C1orf159: variants seen among roughly 807,000 people sequenced by gnomAD.
The protein encoded by C1orf159 is chromosome 1 open reading frame 159.
C1orf159 carries 19 observed loss-of-function variants against 25.6 expected under a neutral mutation model. The ratio of observed to expected loss-of-function variants is 0.74; its 90% CI spans 0.52 to 1.09. The LOEUF (loss-of-function observed/expected upper bound fraction) is 1.09, where lower values mean the gene tolerates loss of function less well. C1orf159 is among the 50% of genes least tolerant of loss of function. The pLI, the probability that C1orf159 is intolerant of heterozygous loss-of-function variation, is 0.00. For synonymous variants in C1orf159, 139 were observed against 124.7 expected, an observed-to-expected ratio of 1.12 and a Z score of -0.77; for missense variants, 274 against 290.6, an observed-to-expected ratio of 0.94 and a Z score of 0.42.
chr1:1,112,905 G>T (rs1456459363), intron 1 of C1orf159, among the ~76,000 whole-genome samples: 1 of 152,174 alleles, frequency 6.6e-6, no homozygotes, highest in Non-Finnish European at 1.5e-5. Context: ...TCTAAAACTT[G>T]CCTTAGTCGG....
Position 1,090,673 on chromosome 1 carries a change from G to C in C1orf159, c.73-245C>G, listed in dbSNP as rs370425847. 279 of 694,476 alleles carry C rather than the reference G, an allele frequency of 4.0e-4. 3 individuals are homozygous for C. The African/African-American group carries it at 4.6e-3, about 11-fold the overall frequency. 43.0% of individuals were successfully genotyped at this position (694,476 alleles called of 1,614,324 possible). On this transcript the variant is annotated intron_variant, in intron 3 of 9. Transcript: ENST00000421241. ...GGTCTCCAAGGAAAAGCTGGGCCTG[G>C]AAGAGTAAACCACCCCCAGGAGGCG...
At position 1,087,418 on chromosome 1, in the gene C1orf159, G is replaced by A. The variant is rs1645849212; in HGVS notation, c.244+84C>T. 5 of 1,348,566 alleles carry A rather than the reference G, an allele frequency of 3.7e-6. No individual in the cohort carries two copies. Among genetic ancestry groups the A allele is most frequent in the Non-Finnish European group, 5.1e-6 (5 of 983,958 alleles). The allele number at this position is 1,348,566 out of a possible 1,614,324, so 83.5% of individuals were successfully genotyped here. A position where few individuals can be genotyped will look rare whatever the true frequency, so the allele number is the denominator to read the frequency against. On this transcript the variant is annotated intron_variant, in intron 5 of 9. Transcript: ENST00000421241. The surrounding 1 kb of genome is among the most constrained non-coding windows in gnomAD (Gnocchi z 8.3). Reference sequence around the variant, plus strand: ...CAGTGGACAGTGGCTCTGGGGCAAGGTGGGGACACAGACAGCAACTCCCAC... The same window carrying A: ...CAGTGGACAGTGGCTCTGGGGCAAGATGGGGACACAGACAGCAACTCCCAC...
chr1:1,106,399 T>C (rs1570333325), intron 1 of C1orf159, among the ~76,000 whole-genome samples: 1 of 152,274 alleles, frequency 6.6e-6, no homozygotes, highest in Middle Eastern at 3.4e-3. Flanking sequence ...AATGGAACCC[T>C]TGTGCATGCT....
chr1:1,084,579 G>A (rs1645799768), intron 7 of C1orf159, 73 bp from the exon 8 acceptor site: 1 of 1,532,920 alleles, frequency 6.5e-7, no homozygotes, highest in African/African-American at 1.4e-5. Context: ...GCAGCGTCCG[G>A]GACAGCAGAG....
chr1:1,100,677 GGCCCT>G (rs1646088774), intron 1 of C1orf159, among the ~76,000 whole-genome samples: 1 of 151,978 alleles, frequency 6.6e-6, no homozygotes, highest in African/African-American at 2.4e-5. Flanking sequence ...TTCTCTTTCT[GGCCCT>G]CTTTTGCGTG....
At chr1:1,112,601 G>A (rs11584392) in intron 1 of C1orf159, among the ~76,000 whole-genome samples, 27,660 of 150,888 alleles carry the variant, frequency 0.18, 3,297 homozygotes, top group Middle Eastern at 0.31. Context: ...GTGAATACAC[G>A]GGGCATGCTC....
Position 1,087,344 on chromosome 1 carries a change from C to A in C1orf159, c.245-140G>T. The stretch of plus-strand genomic sequence containing the variant: ...GAGCAGCCCTCACCACAGAGCTGTC[C>A]CGAATGGCCCAGCAGACTCGGGAAG... On this transcript the variant is annotated intron_variant, in intron 5 of 9. Transcript: ENST00000421241. This position sits in a 1 kb window ranked among gnomAD's most constrained non-coding sequence, Gnocchi z 8.3. 2.6e-6 allele frequency: 3 copies of A among 1,170,122 alleles called. No individual in the cohort carries two copies. Among genetic ancestry groups the A allele is most frequent in the Non-Finnish European group, 3.5e-6 (3 of 846,400 alleles). The allele number at this position is 1,170,122 out of a possible 1,614,324, so 72.5% of individuals were successfully genotyped here.
At position 1,090,392 on chromosome 1, in the gene C1orf159, C is replaced by T. The variant is rs376055242; in HGVS notation, c.109G>A (p.Val37Ile). The stretch of plus-strand genomic sequence containing the variant: ...CTTGCGCCTGGGCAGCTGGCGTTGA[C>T]GCCCACCACATCCACACAGCACTCG... ...LPECCVDVVG[V>I]NASCPGASLC... Residue 37 changes from valine to isoleucine, a missense_variant, in exon 4 of 10, where the codon GTC (valine) becomes ATC (isoleucine). Physicochemically the swap from Val to Ile is conservative, Grantham distance 29. Coordinates refer to ENST00000421241, the MANE Select transcript of C1orf159 (RefSeq NM_017891.5). 242 of 1,550,074 alleles carry T rather than the reference C, an allele frequency of 1.6e-4. 3 individuals are homozygous for T. Among genetic ancestry groups the T allele is most frequent in the South Asian group, 1.1e-3 (94 of 84,048 alleles).
chr1:1,104,304 A>G (rs1646141496), intron 1 of C1orf159, among the ~76,000 whole-genome samples: 5 of 152,180 alleles, frequency 3.3e-5, no homozygotes, highest in Admixed American at 2.6e-4. Context: ...TGGACTTTCT[A>G]TCAGTGCGTT....
At chr1:1,098,321 G>A (rs781541399) in intron 1 of C1orf159, among the ~76,000 whole-genome samples, 8 of 152,052 alleles carry the variant, frequency 5.3e-5, no homozygotes, top group Middle Eastern at 3.4e-3. Flanking sequence ...CACCCACCTC[G>A]ACCTCCCAAA....
intron 1 of C1orf159, among the ~76,000 whole-genome samples, chr1:1,111,325 C>T (rs567254697): frequency 1.5e-5 from 2 of 130,936 alleles, no homozygotes; most frequent in Admixed American, 1.7e-4. Flanking sequence ...CCCAGGAGTT[C>T]AAAACCAGCC....
chr1:1,115,828 C>A (rs987728234), intron 1 of C1orf159, among the ~76,000 whole-genome samples: 1 of 148,054 alleles, frequency 6.8e-6, no homozygotes, highest in Non-Finnish European at 1.5e-5. Flanking sequence ...GCCTTTCCCC[C>A]ATAGGACCGC....
At chr1:1,104,904 A>C (rs752516024) in intron 1 of C1orf159, among the ~76,000 whole-genome samples, 137 of 152,190 alleles carry the variant, frequency 9.0e-4, no homozygotes, top group Non-Finnish European at 1.6e-3. Context: ...CTGGGTCTCC[A>C]AGGGATGTAA....
chr1:1,089,736 G>A lies in C1orf159; in HGVS notation c.148+617C>T, dbSNP rs951559541. Among the ~76,000 whole-genome samples, 13 of 152,214 alleles carry A rather than the reference G, an allele frequency of 8.5e-5. No individual in the cohort carries two copies. The highest frequency in any genetic ancestry group is 3.4e-3 in the Middle Eastern group (1 of 294). On this transcript the variant is annotated intron_variant, in intron 4 of 9. Coordinates refer to ENST00000421241, the MANE Select transcript of C1orf159 (RefSeq NM_017891.5). The surrounding 1 kb of genome is among the most constrained non-coding windows in gnomAD (Gnocchi z 7.5). The stretch of plus-strand genomic sequence containing the variant: ...CTCAGCCCCAAGTTCACCAAGGGCC[G>A]CCAAGGAGTGGCCCTTGCACCTTCT...
chr1:1,089,966 C>T lies in C1orf159; in HGVS notation c.148+387G>A, dbSNP rs763701240. Among the ~76,000 whole-genome samples, 5 of 152,226 alleles carry T rather than the reference C, an allele frequency of 3.3e-5. No homozygotes were observed. The highest frequency in any genetic ancestry group is 5.9e-5 in the Non-Finnish European group (4 of 68,034). On this transcript the variant is annotated intron_variant, in intron 4 of 9. Transcript: ENST00000421241. This position sits in a 1 kb window ranked among gnomAD's most constrained non-coding sequence, Gnocchi z 7.5. Reference sequence around the variant, plus strand: ...TTCCACTCCACGCACCAGGGGCCAGCAGCACCTCTGCCCGAGCACGGACAG... The same window carrying T: ...TTCCACTCCACGCACCAGGGGCCAGTAGCACCTCTGCCCGAGCACGGACAG...
intron 9 of C1orf159, 111 bp downstream of exon 9, chr1:1,084,242 G>T (rs1365072919): frequency 1.3e-6 from 2 of 1,520,160 alleles, no homozygotes; most frequent in South Asian, 2.6e-5. Context: ...CCGGGCAGGG[G>T]TGGCCGAGAT....
rs1645923570 is a variant in C1orf159 at position 1,091,070 on chromosome 1, G to A, written c.72+402C>T. The A allele has an allele frequency of 1.0e-5, 12 of 1,156,246 alleles. No individual in the cohort carries two copies. In the South Asian group the frequency reaches 1.8e-4, roughly 17 times the overall value. 71.6% of individuals were successfully genotyped at this position (1,156,246 alleles called of 1,614,324 possible). A position where few individuals can be genotyped will look rare whatever the true frequency, so the allele number is the denominator to read the frequency against. ...ACCGCCAGGGAGGGGCCCAGGTCCGGTCCCTCAAACGCCCCAGCCAGGACA... is the reference window on the plus strand; with the variant it reads ...ACCGCCAGGGAGGGGCCCAGGTCCGATCCCTCAAACGCCCCAGCCAGGACA... On this transcript the variant is annotated intron_variant, in intron 3 of 9. Transcript: ENST00000421241.
intron 7 of C1orf159, chr1:1,085,168 G>T: frequency 3.1e-6 from 1 of 325,852 alleles, no homozygotes. Context: ...GATGGACAGG[G>T]GTCTCACAGC....
intron 1 of C1orf159, among the ~76,000 whole-genome samples, chr1:1,114,123 G>A (rs1322060541): frequency 6.6e-6 from 1 of 151,856 alleles, no homozygotes; most frequent in African/African-American, 2.4e-5. Context: ...CACCATATTC[G>A]CCAGGCTGAT....
Sources: allele counts gnomAD v4.1 joint callset (sites outside exome capture counted in the v4.1 genomes callset), GRCh38; gene constraint gnomAD v4.1.1; non-coding constraint Gnocchi (gnomAD v3.1); transcripts MANE v1.5; gene names NCBI Gene and HGNC (gene_info 2026-07-23, HGNC 2026-07-21).